GRIA1: variants seen among roughly 807,000 people sequenced by gnomAD.
The protein encoded by GRIA1 is glutamate receptor 1.
In GRIA1, 31 loss-of-function variants were observed where a neutral mutation model predicts 99.2. The observed-to-expected ratio is 0.31, with a 90% CI of 0.23 to 0.42. The LOEUF is 0.42. Ranked by LOEUF, GRIA1 falls within the 10% of genes least tolerant of loss-of-function variation. The probability of loss-of-function intolerance (pLI) is 1.00; values close to 1 mark genes in which losing one functional copy is unlikely to be tolerated. For synonymous variants in GRIA1, 438 were observed against 432.4 expected, an observed-to-expected ratio of 1.01 and a Z score of -0.16; for missense variants, 782 against 1,157.5, an observed-to-expected ratio of 0.68 and a Z score of 4.71.
At position 153,613,121 on chromosome 5, in the gene GRIA1, C is replaced by T. The variant is rs148795669; in HGVS notation, c.221-33807C>T. ...AAAGCTCCTTTTTCTTTTCCTCCCC[C>T]CAATAAAAATTTCTGTTCCAGGGAG... On this transcript the variant is annotated intron_variant, in intron 2 of 15. Coordinates refer to ENST00000285900, the MANE Select transcript of GRIA1 (RefSeq NM_000827.4). 7.2e-3 allele frequency among the ~76,000 whole-genome samples: 1,093 copies of T among 152,058 alleles called. 4 individuals carry two copies. The highest frequency in any genetic ancestry group is 9.0e-3 in the Non-Finnish European group (614 of 67,938).
chr5:153,748,799 T>C (rs918170399), intron 11 of GRIA1, among the ~76,000 whole-genome samples: 10 of 152,114 alleles, frequency 6.6e-5, no homozygotes, highest in Non-Finnish European at 8.8e-5. Flanking sequence ...TGGAGAAGAA[T>C]GAGTCTTCTA....
chr5:153,615,360 AG>A (rs1670341935), intron 2 of GRIA1, among the ~76,000 whole-genome samples: 1 of 152,216 alleles, frequency 6.6e-6, no homozygotes, highest in Admixed American at 6.5e-5. Context: ...AAAAGCTGCT[AG>A]CTGGGCATGG....
intron 2 of GRIA1, among the ~76,000 whole-genome samples, chr5:153,563,263 A>G (rs893349600): frequency 6.6e-6 from 1 of 151,570 alleles, no homozygotes; most frequent in African/African-American, 2.4e-5. Context: ...TCAGTCACTG[A>G]GACAGTATTT....
chr5:153,712,247 T>C (rs1377744596), intron 11 of GRIA1, among the ~76,000 whole-genome samples: 3 of 152,264 alleles, frequency 2.0e-5, no homozygotes, highest in African/African-American at 4.8e-5. Context: ...AGATGGGGTT[T>C]CACCATGTTG....
chr5:153,640,768 T>C (rs994095102), intron 2 of GRIA1, among the ~76,000 whole-genome samples: 1 of 152,208 alleles, frequency 6.6e-6, no homozygotes, highest in Admixed American at 6.5e-5. Context: ...TGTGTAATTG[T>C]GGTACCCCAA....
At chr5:153,718,168 C>T (rs1759797859) in intron 11 of GRIA1, among the ~76,000 whole-genome samples, 1 of 152,174 alleles carries the variant, frequency 6.6e-6, no homozygotes, top group African/African-American at 2.4e-5. Flanking sequence ...GAGTTCAGAC[C>T]TCTAAGTTTG....
chr5:153,590,538 G>A (rs1581278682), intron 2 of GRIA1, among the ~76,000 whole-genome samples: 1 of 101,370 alleles, frequency 9.9e-6, no homozygotes, highest in Non-Finnish European at 2.7e-5. Context: ...GTGTGTGTGT[G>A]TGTGTGTGTG....
At chr5:153,725,054 A>T (rs1760406975) in intron 11 of GRIA1, among the ~76,000 whole-genome samples, 2 of 152,242 alleles carry the variant, frequency 1.3e-5, no homozygotes. Flanking sequence ...ATCTCTCGGC[A>T]GAAACTCTAC....
chr5:153,639,244 A>G (rs1753612853), intron 2 of GRIA1, among the ~76,000 whole-genome samples: 1 of 152,208 alleles, frequency 6.6e-6, no homozygotes, highest in Non-Finnish European at 1.5e-5. Flanking sequence ...TCTTAGGCCA[A>G]AGTGATGCTA....
intron 2 of GRIA1, among the ~76,000 whole-genome samples, chr5:153,613,561 C>T (rs1177343756): frequency 1.3e-5 from 2 of 152,022 alleles, no homozygotes; most frequent in African/African-American, 4.8e-5. Context: ...TTCTTTCTTA[C>T]TTCCCTCTCT....
At chr5:153,639,903 CA>C (rs913514990) in intron 2 of GRIA1, among the ~76,000 whole-genome samples, 1 of 152,038 alleles carries the variant, frequency 6.6e-6, no homozygotes, top group East Asian at 1.9e-4. Flanking sequence ...TTCACCAAAA[CA>C]AAAAAAGTTT....
At chr5:153,599,507 C>T (rs1382569117) in intron 2 of GRIA1, among the ~76,000 whole-genome samples, 1 of 152,160 alleles carries the variant, frequency 6.6e-6, no homozygotes, top group African/African-American at 2.4e-5. Context: ...TTGCACATAA[C>T]CTAGGCACAT....
intron 2 of GRIA1, among the ~76,000 whole-genome samples, chr5:153,622,235 G>T (rs185831461): frequency 1.3e-5 from 2 of 152,310 alleles, no homozygotes; most frequent in African/African-American, 4.8e-5. Flanking sequence ...ACACTTAAGT[G>T]TGAGAACCAC....
intron 5 of GRIA1, among the ~76,000 whole-genome samples, chr5:153,669,660 A>G (rs1756007448): frequency 6.6e-6 from 1 of 152,224 alleles, no homozygotes; most frequent in Admixed American, 6.5e-5. Flanking sequence ...GATATTACAG[A>G]AGGGTATAAA....
At chr5:153,517,849 A>G (rs565064000) in intron 2 of GRIA1, among the ~76,000 whole-genome samples, 213 of 152,324 alleles carry the variant, frequency 1.4e-3, no homozygotes, top group Middle Eastern at 6.8e-3. Flanking sequence ...TTTTAAACGT[A>G]TTGAGCTGAA....
intron 8 of GRIA1, among the ~76,000 whole-genome samples, chr5:153,693,287 T>C (rs1366191382): frequency 6.6e-6 from 1 of 152,178 alleles, no homozygotes; most frequent in African/African-American, 2.4e-5. Flanking sequence ...CCCAGTTACT[T>C]GGCTCAATCA....
intron 5 of GRIA1, among the ~76,000 whole-genome samples, chr5:153,670,340 G>A (rs1459626831): frequency 6.6e-6 from 1 of 152,166 alleles, no homozygotes; most frequent in Non-Finnish European, 1.5e-5. Flanking sequence ...CCAGTGCTGG[G>A]AGGTCAGTGG....
chr5:153,491,468 T>A, intron 1 of GRIA1: 1 of 250,906 alleles, frequency 4.0e-6, no homozygotes, highest in Non-Finnish European at 6.4e-6. Flanking sequence ...GAGTGAGGGG[T>A]GCTGGGTATA....
At chr5:153,560,452 C>G (rs1345936783) in intron 2 of GRIA1, among the ~76,000 whole-genome samples, 1 of 152,084 alleles carries the variant, frequency 6.6e-6, no homozygotes, top group African/African-American at 2.4e-5. Context: ...CCCATAACCC[C>G]CACGTGTCAA....
Sources: allele counts gnomAD v4.1 joint callset (sites outside exome capture counted in the v4.1 genomes callset), GRCh38; gene constraint gnomAD v4.1.1; transcripts MANE v1.5; gene names NCBI Gene and HGNC (gene_info 2026-07-23, HGNC 2026-07-21).